Variants in WDFY1 observed in about 807,000 individuals in gnomAD.
WDFY1 encodes WD repeat and FYVE domain-containing protein 1.
WDFY1 carries 32 observed loss-of-function variants against 56.4 expected under a neutral mutation model. The ratio of observed to expected loss-of-function variants is 0.57; its 90% CI spans 0.43 to 0.76. The LOEUF is 0.76. Among genes scored for constraint, WDFY1 ranks in the 30% least tolerant of loss-of-function variants. WDFY1 has a pLI of 0.00. For missense variants in WDFY1, 480 were observed against 545.7 expected (o/e 0.88, Z 1.20); for synonymous variants, 192 against 197.3 (o/e 0.97, Z 0.23).
At chr2:223,886,420 C>T (rs1006229159) in intron 8 of WDFY1, among the ~76,000 whole-genome samples, 2 of 151,714 alleles carry the variant, frequency 1.3e-5, no homozygotes, top group Non-Finnish European at 2.9e-5. Context: ...AATTCTAAGA[C>T]AAACCTGCTA....
chr2:223,887,714 G>A (rs146828236), intron 8 of WDFY1, among the ~76,000 whole-genome samples: 2 of 151,966 alleles, frequency 1.3e-5, no homozygotes, highest in Admixed American at 6.6e-5. Context: ...CAGAAATCTC[G>A]CTCTCAACCA....
chr2:223,902,454 A>C (rs1693521387), intron 4 of WDFY1, among the ~76,000 whole-genome samples: 1 of 152,154 alleles, frequency 6.6e-6, no homozygotes, highest in South Asian at 2.1e-4. Context: ...AGTCCTAGCT[A>C]CTCAGCAGGC....
At chr2:223,911,615 C>CACACAA (rs1355076149) in intron 3 of WDFY1, among the ~76,000 whole-genome samples, 1 of 128,050 alleles carries the variant, frequency 7.8e-6, no homozygotes, top group African/African-American at 2.8e-5. Context: ...CACACACACA[C>CACACAA]AGAGTGACAG....
chr2:223,898,560 C>G (rs1382574737), intron 6 of WDFY1, among the ~76,000 whole-genome samples: 3 of 152,100 alleles, frequency 2.0e-5, no homozygotes, highest in Middle Eastern at 3.4e-3. Flanking sequence ...TATGCGCCAC[C>G]ATGCCTGGCT....
rs777785452 is a variant in WDFY1 at position 223,880,217 on chromosome 2, C to T, written c.1080G>A (p.Ala360=). 2.2e-5 allele frequency: 36 copies of T among 1,613,982 alleles called. No homozygotes were observed. In the Admixed American group the frequency reaches 4.2e-4, roughly 19 times the overall value. The part of the protein sequence containing the change: ...SIKDEDRTSL[A]TFHEGKHNIS... ...TGTTATGTTTTCCTTCATGAAAGGT[C>T]GCTAGAGAAGTCCGACTAACAAGAG... The change falls in exon 11 of 12, where the codon GCG becomes GCA. Residue 360 remains alanine (A), a synonymous_variant. Transcript: ENST00000233055.
intron 8 of WDFY1, among the ~76,000 whole-genome samples, chr2:223,886,087 T>C (rs1389512001): frequency 6.6e-6 from 1 of 152,216 alleles, no homozygotes; most frequent in East Asian, 1.9e-4. Flanking sequence ...CTCACGCCTG[T>C]CATCTCAGCA....
intron 9 of WDFY1, among the ~76,000 whole-genome samples, chr2:223,884,164 A>C (rs1693130446): frequency 6.6e-6 from 1 of 152,188 alleles, no homozygotes; most frequent in South Asian, 2.1e-4. Flanking sequence ...AGTACTCAAA[A>C]CATGCTTAAT....
intron 5 of WDFY1, 90 bp from the exon 6 acceptor site, chr2:223,899,160 A>T: frequency 9.8e-7 from 1 of 1,020,230 alleles, no homozygotes; most frequent in Non-Finnish European, 1.5e-6. Context: ...GTTAGTTTTC[A>T]AAGTTAGAAA....
chr2:223,906,414 T>TAG (rs1254374269), intron 3 of WDFY1, among the ~76,000 whole-genome samples: 2 of 152,276 alleles, frequency 1.3e-5, no homozygotes, highest in African/African-American at 4.8e-5. Flanking sequence ...GGGCACTGGG[T>TAG]AGCTCAGCAA....
At chr2:223,879,964 T>C (rs746270364) in intron 11 of WDFY1, among the ~76,000 whole-genome samples, 160 bp downstream of exon 11, 1 of 152,152 alleles carries the variant, frequency 6.6e-6, no homozygotes, top group East Asian at 1.9e-4. Flanking sequence ...AATGAATGCA[T>C]GGAAACTCAG....
Position 223,898,948 on chromosome 2 carries a change from T to A in WDFY1, c.598+10A>T, listed in dbSNP as rs770412094. 10 of 1,612,474 alleles carry A rather than the reference T, an allele frequency of 6.2e-6. No individual in the cohort carries two copies. The highest frequency in any genetic ancestry group is 1.6e-4 in the Middle Eastern group (1 of 6,078). The stretch of plus-strand genomic sequence containing the variant: ...GGCAAAAAAAACTCTTGGGTGATAA[T>A]ATAGCCTACCTTCATGTCCTTTGAG... On this transcript the variant is annotated intron_variant, in intron 6 of 11. Transcript: ENST00000233055.
intron 4 of WDFY1, 62 bp from the exon 5 acceptor site, chr2:223,901,395 T>TGA: frequency 1.9e-6 from 3 of 1,589,702 alleles, no homozygotes; most frequent in South Asian, 2.3e-5. Context: ...GGGGAAGAAC[T>TGA]GAGGCTCAAC....
At chr2:223,893,652 T>TA (rs1297575818) in intron 8 of WDFY1, among the ~76,000 whole-genome samples, 11 of 152,114 alleles carry the variant, frequency 7.2e-5, no homozygotes, top group African/African-American at 1.7e-4. Context: ...AACAGATACT[T>TA]AGAGAAATTA....
chr2:223,894,593 T>C (rs1483497219), intron 7 of WDFY1: 1 of 469,282 alleles, frequency 2.1e-6, no homozygotes, highest in East Asian at 4.1e-5. Flanking sequence ...AGAGATTTGA[T>C]GAGGGCTATG....
chr2:223,892,274 C>T (rs750442768), intron 8 of WDFY1, among the ~76,000 whole-genome samples: 10 of 152,174 alleles, frequency 6.6e-5, no homozygotes, highest in Admixed American at 2.0e-4. Context: ...CTGCGCTGGC[C>T]ACATCCTATA....
At chr2:223,901,836 T>G (rs1693512089) in intron 4 of WDFY1, among the ~76,000 whole-genome samples, 1 of 152,240 alleles carries the variant, frequency 6.6e-6, no homozygotes, top group Non-Finnish European at 1.5e-5. Flanking sequence ...GTTATGTGTT[T>G]GGTTTCTGGA....
chr2:223,896,872 G>A (rs565625928), intron 6 of WDFY1, among the ~76,000 whole-genome samples: 6 of 151,992 alleles, frequency 3.9e-5, no homozygotes, highest in Admixed American at 3.3e-4. Context: ...AGATAAATAC[G>A]GTCTTTCAGC....
At chr2:223,934,081 CTTTTTTTTT>C (rs201021204) in intron 1 of WDFY1, among the ~76,000 whole-genome samples, 1 of 136,168 alleles carries the variant, frequency 7.3e-6, no homozygotes, top group East Asian at 2.3e-4. Context: ...TTTTTCTTTT[CTTTTTTTTT>C]TTTTTTTTTT....
rs756092531 is a variant in WDFY1, at chr2:223,899,036, C to T, written c.520G>A (p.Asp174Asn). The change falls in exon 6 of 12, where the codon GAT becomes AAT. Residue 174 changes from aspartate to asparagine, a missense_variant. Physicochemically the swap from Asp to Asn is conservative, Grantham distance 23. Transcript: ENST00000233055. ...DFDTQYAFVG[D>N]YSGQITLLKL... ...AGCAGGGTGATCTGCCCAGAATAAT[C>T]ACCAACGAAAGCATACTGAGTGTCA... is the stretch of plus-strand genomic sequence containing the variant. 4 of 1,614,004 alleles carry T rather than the reference C, an allele frequency of 2.5e-6. No homozygotes were observed. The Admixed American group carries it at 6.7e-5, about 27-fold the overall frequency.
Sources: allele counts gnomAD v4.1 joint callset (sites outside exome capture counted in the v4.1 genomes callset), GRCh38; gene constraint gnomAD v4.1.1; transcripts MANE v1.5; gene names NCBI Gene and HGNC (gene_info 2026-07-23, HGNC 2026-07-21).